The following XKR6 variants were observed in gnomAD, a reference collection of about 807,000 sequenced individuals.
XKR6 encodes XK related 6.
In XKR6, 22 loss-of-function variants were observed where a neutral mutation model predicts 56.7. The observed-to-expected ratio is 0.39, with a 90% CI of 0.28 to 0.55. XKR6 has a LOEUF of 0.55. Among genes scored for constraint, XKR6 ranks in the 20% least tolerant of loss-of-function variants. XKR6 has a pLI of 0.66. For missense variants in XKR6, 852 were observed against 889.0 expected, an observed-to-expected ratio of 0.96 and a Z score of 0.53; for synonymous variants, 524 against 387.8, an observed-to-expected ratio of 1.35 and a Z score of -4.13.
chr8:10,946,528 C>T (rs1010255220), intron 1 of XKR6, among the ~76,000 whole-genome samples: 2 of 152,040 alleles, frequency 1.3e-5, no homozygotes, highest in Non-Finnish European at 2.9e-5. Context: ...CCACCCCTCC[C>T]ACCCCTGGGG....
intron 1 of XKR6, among the ~76,000 whole-genome samples, chr8:11,159,423 C>G (rs567268745): frequency 6.6e-6 from 1 of 152,194 alleles, no homozygotes. Flanking sequence ...ACCTAGATCG[C>G]GAGAGAAAAG....
intron 1 of XKR6, among the ~76,000 whole-genome samples, chr8:11,187,238 T>TA (rs1302386998): frequency 1.3e-5 from 2 of 152,210 alleles, no homozygotes; most frequent in Non-Finnish European, 2.9e-5. Context: ...AGGCAGAATG[T>TA]AAAAGTGGAC....
intron 1 of XKR6, among the ~76,000 whole-genome samples, chr8:10,998,805 A>G (rs2129142458): frequency 6.6e-6 from 1 of 152,270 alleles, no homozygotes; most frequent in South Asian, 2.1e-4. Flanking sequence ...GCTCCCTACA[A>G]CCAGTCCCAG....
intron 1 of XKR6, among the ~76,000 whole-genome samples, chr8:11,036,841 C>T (rs2129154217): frequency 6.6e-6 from 1 of 152,344 alleles, no homozygotes; most frequent in South Asian, 2.1e-4. Context: ...TGTCCGAACT[C>T]CCTGGAAGGT....
chr8:10,993,286 A>G (rs528951171), intron 1 of XKR6, among the ~76,000 whole-genome samples: 33 of 152,326 alleles, frequency 2.2e-4, no homozygotes, highest in Admixed American at 3.3e-4. Context: ...ATCAGCACCT[A>G]CCACTTGCAG....
chr8:11,147,929 G>A (rs1029421881), intron 1 of XKR6, among the ~76,000 whole-genome samples: 20 of 152,052 alleles, frequency 1.3e-4, no homozygotes, highest in African/African-American at 4.8e-4. Context: ...TAAAATGAGG[G>A]CCGGGTGCAG....
chr8:11,001,303 T>A (rs996543232), intron 1 of XKR6, among the ~76,000 whole-genome samples: 1 of 152,042 alleles, frequency 6.6e-6, no homozygotes, highest in Admixed American at 6.6e-5. Context: ...TAATGTTGTT[T>A]AGGGCCAGCT....
At chr8:11,167,440 T>A (rs1400914044) in intron 1 of XKR6, among the ~76,000 whole-genome samples, 1 of 152,170 alleles carries the variant, frequency 6.6e-6, no homozygotes, top group East Asian at 1.9e-4. Context: ...AGGTTCATGC[T>A]TAAAACTCAA....
intron 1 of XKR6, among the ~76,000 whole-genome samples, chr8:10,997,129 C>CTCCA (rs1403534048): frequency 6.6e-6 from 1 of 152,172 alleles, no homozygotes; most frequent in Non-Finnish European, 1.5e-5. Context: ...TTTTCTCAAA[C>CTCCA]TCCATCATCA....
chr8:11,116,023 T>C (rs535465004), intron 1 of XKR6, among the ~76,000 whole-genome samples: 1 of 152,224 alleles, frequency 6.6e-6, no homozygotes, highest in East Asian at 1.9e-4. Flanking sequence ...ACAAGAACTA[T>C]TGGGAGTCAT....
At chr8:11,108,303 G>A in intron 1 of XKR6, 1 of 456,258 alleles carries the variant, frequency 2.2e-6, no homozygotes, top group South Asian at 1.5e-5. Context: ...ATCTGCTGCA[G>A]ATTTAAGTGT....
intron 1 of XKR6, among the ~76,000 whole-genome samples, chr8:10,964,164 C>T (rs1802143681): frequency 6.6e-6 from 1 of 152,182 alleles, no homozygotes; most frequent in Admixed American, 6.5e-5. Context: ...CCTACCTCCC[C>T]AGGGCAGGGG....
intron 1 of XKR6, among the ~76,000 whole-genome samples, chr8:10,984,891 A>G (rs1204219229): frequency 6.6e-6 from 1 of 151,742 alleles, no homozygotes; most frequent in African/African-American, 2.4e-5. Context: ...GGTAATTCAT[A>G]AATTTAATAT....
Position 11,089,013 on chromosome 8 carries a change from T to C in XKR6, c.764+111563A>G, listed in dbSNP as rs550626853. ...GACATTTTGTAGGCTTTGAAAGGGG[T>C]GTCATATAGTCAGAGTAAGGGACAG... On this transcript the variant is annotated intron_variant, in intron 1 of 2. Transcript: ENST00000416569. Among the ~76,000 whole-genome samples, 3 of 152,080 alleles carry C rather than the reference T, an allele frequency of 2.0e-5. No individual in the cohort carries two copies. The South Asian group carries it at 6.2e-4, about 32-fold the overall frequency.
chr8:11,119,123 G>C (rs1278827298), intron 1 of XKR6, among the ~76,000 whole-genome samples: 4 of 152,130 alleles, frequency 2.6e-5, no homozygotes, highest in African/African-American at 4.8e-5. Context: ...GCAGTTTTGA[G>C]TGAGTTTCTT....
At chr8:11,176,987 G>T (rs149252348) in intron 1 of XKR6, among the ~76,000 whole-genome samples, 29 of 152,312 alleles carry the variant, frequency 1.9e-4, no homozygotes, top group African/African-American at 7.0e-4. Context: ...ACTGGTGACA[G>T]GACGCCAATG....
chr8:11,085,651 G>A (rs1586524176), intron 1 of XKR6, among the ~76,000 whole-genome samples: 1 of 152,146 alleles, frequency 6.6e-6, no homozygotes, highest in East Asian at 1.9e-4. Context: ...CCATAGGATG[G>A]TCTCCCATGA....
At chr8:11,129,023 A>G (rs1157283551) in intron 1 of XKR6, 2 of 454,716 alleles carry the variant, frequency 4.4e-6, no homozygotes, top group Admixed American at 2.4e-5. Context: ...TGAAACTTAC[A>G]CACAGTGAAA....
In XKR6 at chr8:11,056,160, G is replaced by GA. The variant is rs377564312; in HGVS notation, c.765-131331dup. Among the ~76,000 whole-genome samples, 159 of 152,324 alleles carry GA rather than the reference G, an allele frequency of 1.0e-3. 1 individual carries two copies. Among genetic ancestry groups the GA allele is most frequent in the African/African-American group, 3.6e-3 (150 of 41,584 alleles). On this transcript the variant is annotated intron_variant, in intron 1 of 2. Transcript: ENST00000416569. ...GCTTCCTCCTCTAGGAGCGCTAGATGAGAGAGGCTTCCGGAGGCGTCCTGC... is the reference window on the plus strand; with the variant it reads ...GCTTCCTCCTCTAGGAGCGCTAGATGAAGAGAGGCTTCCGGAGGCGTCCTGC...
Sources: gnomAD v4.1 joint callset for allele counts (sites outside exome capture counted in the v4.1 genomes callset) on GRCh38, gnomAD v4.1.1 for gene constraint, MANE v1.5 for transcripts, NCBI Gene and HGNC (gene_info 2026-07-23, HGNC 2026-07-21) for gene names.